IFT81: variants seen among roughly 807,000 people sequenced by gnomAD.
The protein encoded by IFT81 is intraflagellar transport 81, also known as intraflagellar transport protein 81 homolog.
IFT81 carries 72 observed loss-of-function variants against 102.6 expected under a neutral mutation model. The ratio of observed to expected loss-of-function variants is 0.70; its 90% CI spans 0.58 to 0.85. The LOEUF is 0.85. Among genes scored for constraint, IFT81 ranks in the 40% least tolerant of loss-of-function variants. The pLI is 0.00. For synonymous variants in IFT81, 237 were observed against 242.7 expected (o/e 0.98, Z 0.22); for missense variants, 723 against 787.3 (o/e 0.92, Z 0.98).
chr12:110,193,628 A>G (rs1230772702), intron 14 of IFT81, among the ~76,000 whole-genome samples: 1 of 152,232 alleles, frequency 6.6e-6, no homozygotes. Context: ...TTGTTTAACT[A>G]TATTTAATAC....
intron 18 of IFT81, among the ~76,000 whole-genome samples, chr12:110,215,639 A>T (rs1294538820): frequency 7.8e-4 from 114 of 145,742 alleles, no homozygotes; most frequent in East Asian, 3.4e-3. Flanking sequence ...TTAAAAAAAA[A>T]TTTTTTTTTT....
chr12:110,203,360 T>TTA (rs1202725183), intron 14 of IFT81: 1 of 158,084 alleles, frequency 6.3e-6, no homozygotes, highest in East Asian at 1.9e-4. Context: ...TTTCAATCCT[T>TTA]TATACATAGT....
chr12:110,146,820 C>T, intron 9 of IFT81, 133 bp from the exon 10 acceptor site: 2 of 1,096,322 alleles, frequency 1.8e-6, no homozygotes, highest in Non-Finnish European at 2.4e-6. Context: ...AAAAATTAGT[C>T]TAGGTGAAAC....
At chr12:110,187,335 C>T (rs774581566) in intron 12 of IFT81, among the ~76,000 whole-genome samples, 1 of 152,150 alleles carries the variant, frequency 6.6e-6, no homozygotes, top group African/African-American at 2.4e-5. Context: ...GTGATCTTGG[C>T]TCACTGCAGC....
chr12:110,141,655 G>A (rs1398724081), intron 8 of IFT81, among the ~76,000 whole-genome samples: 9 of 152,066 alleles, frequency 5.9e-5, no homozygotes, highest in Admixed American at 2.6e-4. Flanking sequence ...CCAGGCAGGC[G>A]GATCACTTGA....
At chr12:110,217,098 A>G (rs994142707) in intron 18 of IFT81, among the ~76,000 whole-genome samples, 9 of 152,090 alleles carry the variant, frequency 5.9e-5, no homozygotes, top group Non-Finnish European at 1.2e-4. Flanking sequence ...TTAGAGTCTC[A>G]TAGTGGCACG....
chr12:110,156,837 T>C (rs2137416400), intron 10 of IFT81, among the ~76,000 whole-genome samples: 2 of 152,268 alleles, frequency 1.3e-5, no homozygotes, highest in South Asian at 4.1e-4. Context: ...AGATATATGA[T>C]TCTTGGTTGA....
At position 110,192,557 on chromosome 12, in the gene IFT81, G is replaced by A. The variant is rs966912976; in HGVS notation, c.1468-60G>A. ...CACTGAAATTAATATCTTTATGCAT[G>A]TAGTATTTTTCTTTTTTTGAATTCT... is the stretch of plus-strand genomic sequence containing the variant. On this transcript the variant is annotated intron_variant, in intron 13 of 18. Transcript: ENST00000242591. 1.3e-5 allele frequency: 11 copies of A among 848,088 alleles called. No homozygotes were observed. The African/African-American group carries it at 1.6e-4, about 12-fold the overall frequency. 52.5% of individuals were successfully genotyped at this position (848,088 alleles called of 1,614,324 possible). A position where few individuals can be genotyped will look rare whatever the true frequency, so the allele number is the denominator to read the frequency against.
intron 14 of IFT81, among the ~76,000 whole-genome samples, chr12:110,199,219 C>G (rs2137569688): frequency 6.6e-6 from 1 of 152,120 alleles, no homozygotes; most frequent in Middle Eastern, 3.4e-3. Context: ...TAGGTATGGT[C>G]CTGTTATTTA....
chr12:110,151,230 A>G (rs1470248719), intron 10 of IFT81, among the ~76,000 whole-genome samples: 1 of 152,168 alleles, frequency 6.6e-6, no homozygotes, highest in African/African-American at 2.4e-5. Flanking sequence ...ATCAGTCTCT[A>G]TAGATTTGCC....
intron 10 of IFT81, 133 bp downstream of exon 10, chr12:110,147,181 G>A: frequency 3.5e-6 from 2 of 574,066 alleles, no homozygotes; most frequent in Non-Finnish European, 5.5e-6. Context: ...AATCTCCATA[G>A]TATATCAAAG....
rs1294483517 is a variant in IFT81 at position 110,205,475 on chromosome 12, A to G, written c.1677A>G (p.Gln559=). The part of the protein sequence containing the change: ...EVRRLREECL[Q]EESRYHYTNC... ...GAAGACTCCGTGAAGAATGTCTTCA[A>G]GAAGAAAGTAGATACCATTATACAA... Residue 559 remains glutamine, a synonymous_variant, in exon 16 of 19, where the codon CAA becomes CAG. Transcript: ENST00000242591. 3 of 1,603,162 alleles carry G rather than the reference A, an allele frequency of 1.9e-6. No individual in the cohort carries two copies. Among genetic ancestry groups the G allele is most frequent in the South Asian group, 1.1e-5 (1 of 88,536 alleles).
chr12:110,185,210 G>C (rs1897472110), intron 12 of IFT81, among the ~76,000 whole-genome samples: 1 of 151,948 alleles, frequency 6.6e-6, no homozygotes, highest in East Asian at 1.9e-4. Context: ...TTTTGAGACA[G>C]AGTCTCTCTC....
chr12:110,147,110 G>A (rs1385322224), intron 10 of IFT81, 62 bp downstream of exon 10: 1 of 1,304,628 alleles, frequency 7.7e-7, no homozygotes, highest in African/African-American at 1.5e-5. Flanking sequence ...ACCACTGGCT[G>A]TGTTATCTAT....
At chr12:110,209,358 A>G (rs982771817) in intron 18 of IFT81, 142 bp downstream of exon 18, 3 of 428,190 alleles carry the variant, frequency 7.0e-6, no homozygotes, top group African/African-American at 6.1e-5. Flanking sequence ...TAAAGATGGA[A>G]GACTTCCTTA....
At chr12:110,184,697 G>A (rs188628587) in intron 12 of IFT81, among the ~76,000 whole-genome samples, 9 of 152,346 alleles carry the variant, frequency 5.9e-5, no homozygotes, top group African/African-American at 2.2e-4. Context: ...GGTAGAAATA[G>A]CCTCAAACTT....
At chr12:110,184,117 G>T (rs748732704) in intron 12 of IFT81, among the ~76,000 whole-genome samples, 53 of 152,140 alleles carry the variant, frequency 3.5e-4, no homozygotes, top group Non-Finnish European at 5.9e-4. Context: ...TTGGGAGGCC[G>T]AGGCGGGTGG....
chr12:110,181,760 GTT>G (rs1415731697), intron 12 of IFT81, among the ~76,000 whole-genome samples: 1 of 152,034 alleles, frequency 6.6e-6, no homozygotes, highest in Non-Finnish European at 1.5e-5. Context: ...AGTTCCATCA[GTT>G]TTTGCTTCAT....
At chr12:110,139,142 C>T (rs1425489510) in intron 8 of IFT81, among the ~76,000 whole-genome samples, 1 of 151,804 alleles carries the variant, frequency 6.6e-6, no homozygotes, top group Non-Finnish European at 1.5e-5. Flanking sequence ...TCAAGACCAG[C>T]CTGGACAACA....
Sources: gnomAD v4.1 joint callset for allele counts (sites outside exome capture counted in the v4.1 genomes callset) on GRCh38, gnomAD v4.1.1 for gene constraint, MANE v1.5 for transcripts, NCBI Gene and HGNC (gene_info 2026-07-23, HGNC 2026-07-21) for gene names.